Variants in ABTB3 observed in about 807,000 individuals in gnomAD.
ABTB3 encodes ankyrin repeat and BTB domain containing 3, also known as ankyrin repeat- and BTB/POZ domain-containing protein 3.
At chr12:107,476,397 C>T in the ABTB3 span, among the ~76,000 whole-genome samples, 2 of 152,134 alleles carry the variant, frequency 1.3e-5, no homozygotes, top group Non-Finnish European at 2.9e-5. Context: ...CTCACCTTCA[C>T]CTTGCGGTAT....
At chr12:107,588,202 T>C in the ABTB3 span, among the ~76,000 whole-genome samples, 1 of 152,224 alleles carries the variant, frequency 6.6e-6, no homozygotes, top group Admixed American at 6.5e-5. Context: ...CTTAACTTGA[T>C]TATATCTGCA....
chr12:107,319,687 C>T, the ABTB3 span: 3 of 1,535,414 alleles, frequency 2.0e-6, no homozygotes, highest in Non-Finnish European at 2.6e-6. Context: ...GGGACATCTA[C>T]TCGCGGGTCG....
chr12:107,564,571 G>C, the ABTB3 span, among the ~76,000 whole-genome samples: 1 of 152,170 alleles, frequency 6.6e-6, no homozygotes, highest in Non-Finnish European at 1.5e-5. Context: ...TTATTTGGCA[G>C]CACTAGGATC....
chr12:107,584,963 CT>C, the ABTB3 span, among the ~76,000 whole-genome samples: 2,549 of 149,954 alleles, frequency 0.017, 74 homozygotes, highest in African/African-American at 0.059. Context: ...TGAATTCTCC[CT>C]TTTTTTTTTC....
the ABTB3 span, among the ~76,000 whole-genome samples, chr12:107,355,274 G>A: frequency 7.9e-5 from 12 of 152,200 alleles, no homozygotes; most frequent in African/African-American, 2.9e-4. Flanking sequence ...AGACCCACCT[G>A]GGATTAGAAT....
chr12:107,597,262 A>C, the ABTB3 span, among the ~76,000 whole-genome samples: 1 of 152,218 alleles, frequency 6.6e-6, no homozygotes, highest in Non-Finnish European at 1.5e-5. Context: ...TGAGCTATTA[A>C]GAGAGTAGCC....
At chr12:107,493,163 C>T in the ABTB3 span, among the ~76,000 whole-genome samples, 2 of 152,078 alleles carry the variant, frequency 1.3e-5, no homozygotes, top group South Asian at 2.1e-4. Flanking sequence ...ACCTGGGGAC[C>T]GAGGGAGCAC....
At chr12:107,404,864 C>T in the ABTB3 span, among the ~76,000 whole-genome samples, 1 of 152,148 alleles carries the variant, frequency 6.6e-6, no homozygotes, top group East Asian at 1.9e-4. Context: ...TGTGTTGAGA[C>T]ACTGTTCATA....
chr12:107,329,568 A>G, the ABTB3 span, among the ~76,000 whole-genome samples: 1 of 152,228 alleles, frequency 6.6e-6, no homozygotes, highest in East Asian at 1.9e-4. Context: ...TTACTGAGTG[A>G]CTGAAAAGCC....
At chr12:107,565,495 G>A in the ABTB3 span, among the ~76,000 whole-genome samples, 1 of 152,060 alleles carries the variant, frequency 6.6e-6, no homozygotes, top group South Asian at 2.1e-4. Flanking sequence ...AGCACCAAAG[G>A]GTTAGGAGAC....
the ABTB3 span, among the ~76,000 whole-genome samples, chr12:107,356,913 C>A: frequency 2.0e-5 from 3 of 152,208 alleles, no homozygotes; most frequent in Non-Finnish European, 2.9e-5. Context: ...AGAATCAGAC[C>A]ATCTGGGCAT....
the ABTB3 span, among the ~76,000 whole-genome samples, chr12:107,571,009 G>A: frequency 6.6e-6 from 1 of 152,164 alleles, no homozygotes; most frequent in South Asian, 2.1e-4. Context: ...TGTGTCCTTA[G>A]GTAAGTTAGA....
chr12:107,644,418 C>T, the ABTB3 span, among the ~76,000 whole-genome samples: 2 of 152,110 alleles, frequency 1.3e-5, no homozygotes, highest in African/African-American at 4.8e-5. Flanking sequence ...TTGCGGTCTC[C>T]CCCACCTTCT....
At chr12:107,610,352 A>T in the ABTB3 span, 2 of 1,614,072 alleles carry the variant, frequency 1.2e-6, no homozygotes, top group Non-Finnish European at 1.7e-6. Context: ...CCATGAGCGA[A>T]CAGGTACAGG....
At chr12:107,400,083 A>G in the ABTB3 span, among the ~76,000 whole-genome samples, 1 of 152,206 alleles carries the variant, frequency 6.6e-6, no homozygotes, top group Non-Finnish European at 1.5e-5. Context: ...TATCCAATCT[A>G]TCATTGATGG....
chr12:107,497,294 C>G, the ABTB3 span, among the ~76,000 whole-genome samples: 1 of 151,158 alleles, frequency 6.6e-6, no homozygotes, highest in Non-Finnish European at 1.5e-5. Flanking sequence ...AACACCACCA[C>G]CATCACTATC....
At chr12:107,487,826 A>G in the ABTB3 span, among the ~76,000 whole-genome samples, 1 of 152,172 alleles carries the variant, frequency 6.6e-6, no homozygotes, top group Non-Finnish European at 1.5e-5. Context: ...TTAGCAAAAT[A>G]CAAATGACAT....
At chr12:107,526,463 T>C in the ABTB3 span, among the ~76,000 whole-genome samples, 1 of 152,130 alleles carries the variant, frequency 6.6e-6, no homozygotes, top group Non-Finnish European at 1.5e-5. Context: ...GCAGAGGCCC[T>C]GGCTTCTCTC....
the ABTB3 span, among the ~76,000 whole-genome samples, chr12:107,542,336 C>A: frequency 8.4e-6 from 1 of 119,614 alleles, no homozygotes; most frequent in Non-Finnish European, 1.8e-5. Flanking sequence ...TTAACCATCA[C>A]AGATATCTTA....
Sources: allele counts gnomAD v4.1 joint callset (sites outside exome capture counted in the v4.1 genomes callset), GRCh38; gene constraint gnomAD v4.1.1; transcripts MANE v1.5; gene names NCBI Gene and HGNC (gene_info 2026-07-23, HGNC 2026-07-21).